AFAP1: variants seen among roughly 807,000 people sequenced by gnomAD.
The protein encoded by AFAP1 is actin filament-associated protein 1.
In AFAP1, 75 loss-of-function variants were observed where a neutral mutation model predicts 93.9. That is an observed-to-expected ratio of 0.80 (90% CI 0.66 to 0.97). The LOEUF is 0.97. Ranked by LOEUF, AFAP1 falls within the 50% of genes least tolerant of loss-of-function variation. AFAP1 has a pLI of 0.00. For synonymous variants in AFAP1, 517 were observed against 430.7 expected, an observed-to-expected ratio of 1.20 and a Z score of -2.48; for missense variants, 1,201 against 1,050.8, an observed-to-expected ratio of 1.14 and a Z score of -1.98.
chr4:7,898,953 T>C (rs1289084824), intron 1 of AFAP1, among the ~76,000 whole-genome samples: 1 of 150,238 alleles, frequency 6.7e-6, no homozygotes, highest in East Asian at 1.9e-4. Context: ...ATATAATGTG[T>C]ATATATACAC....
chr4:7,854,412 T>G lies in AFAP1; in HGVS notation c.334+1054A>C, dbSNP rs561677414. 1.4e-4 allele frequency among the ~76,000 whole-genome samples: 22 copies of G among 152,288 alleles called. No individual in the cohort carries two copies. The East Asian group carries it at 4.1e-3, about 28-fold the overall frequency. On this transcript the variant is annotated intron_variant, in intron 4 of 17. Transcript: ENST00000420658. Reference sequence around the variant, plus strand: ...GGGCACGCAGTCCAGCTGGCCTGGCTTCTCCACAGCCCTTCTCCACACTCA... The same window carrying G: ...GGGCACGCAGTCCAGCTGGCCTGGCGTCTCCACAGCCCTTCTCCACACTCA...
In AFAP1 at chr4:7,763,753, T is replaced by G. The variant is rs1280964045; in HGVS notation, c.*12A>C. ...TGTGCAGTCTCTGAGGCTGGAGTGG[T>G]GCTGCTGTCCCCTAGGTCCCGTTCT... is the stretch of plus-strand genomic sequence containing the variant. On this transcript the variant is annotated 3_prime_UTR_variant, in exon 18 of 18. Coordinates refer to ENST00000420658, the MANE Select transcript of AFAP1 (RefSeq NM_001134647.2). The G allele has an allele frequency of 1.3e-6, 2 of 1,551,610 alleles. No homozygotes were observed. Among genetic ancestry groups the G allele is most frequent in the South Asian group, 2.4e-5 (2 of 84,044 alleles).
At chr4:7,802,526 A>G (rs1364531134) in intron 9 of AFAP1, among the ~76,000 whole-genome samples, 7 of 152,164 alleles carry the variant, frequency 4.6e-5, no homozygotes, top group Non-Finnish European at 1.0e-4. Context: ...CCCTGTTGGG[A>G]GTTAAAGACG....
At chr4:7,809,070 T>G (rs1291653272) in intron 9 of AFAP1, among the ~76,000 whole-genome samples, 3 of 152,132 alleles carry the variant, frequency 2.0e-5, no homozygotes, top group Non-Finnish European at 4.4e-5. Context: ...TTTGTTTTTT[T>G]TTTTTATACT....
At chr4:7,794,579 T>C (rs1407121863) in intron 10 of AFAP1, among the ~76,000 whole-genome samples, 2 of 152,116 alleles carry the variant, frequency 1.3e-5, no homozygotes, top group Admixed American at 1.3e-4. Flanking sequence ...TGGAGTGCAG[T>C]GGTGTGATCA....
intron 17 of AFAP1, among the ~76,000 whole-genome samples, chr4:7,768,559 C>T (rs1191021264): frequency 6.6e-6 from 1 of 152,154 alleles, no homozygotes; most frequent in East Asian, 1.9e-4. Context: ...TCCAGAGGAG[C>T]CCAGGGCTTG....
chr4:7,825,834 C>T (rs536541333), intron 6 of AFAP1, among the ~76,000 whole-genome samples: 1 of 151,984 alleles, frequency 6.6e-6, no homozygotes, highest in South Asian at 2.1e-4. Flanking sequence ...TGATAAACTT[C>T]TGGCAAGACT....
intron 11 of AFAP1, among the ~76,000 whole-genome samples, chr4:7,787,948 G>T (rs556341117): frequency 4.8e-5 from 7 of 146,942 alleles, no homozygotes; most frequent in Non-Finnish European, 4.5e-5. Context: ...AGGTCTCCGC[G>T]TGGGTGCTGC....
At chr4:7,843,114 A>C in intron 5 of AFAP1, 25 bp downstream of exon 5, 2 of 1,609,646 alleles carry the variant, frequency 1.2e-6, no homozygotes, top group Non-Finnish European at 1.7e-6. Context: ...CTTACAAAAA[A>C]TGCAAGCGAT....
chr4:7,893,901 T>G (rs1338176904), intron 1 of AFAP1, among the ~76,000 whole-genome samples: 5 of 152,040 alleles, frequency 3.3e-5, no homozygotes, highest in Admixed American at 3.3e-4. Context: ...TAATGCTCCT[T>G]AAGGAAATAA....
intron 5 of AFAP1, 54 bp downstream of exon 5, chr4:7,843,085 G>A (rs1441607012): frequency 6.4e-7 from 1 of 1,573,592 alleles, no homozygotes; most frequent in Non-Finnish European, 8.7e-7. Context: ...TAAACGCCAT[G>A]GCTTCTGAGT....
rs71601895 is a variant in AFAP1 at position 7,924,471 on chromosome 4, G to C, written c.-3+15185C>G. Among the ~76,000 whole-genome samples, 146 of 152,296 alleles carry C rather than the reference G, an allele frequency of 9.6e-4. 1 individual carries two copies. The highest frequency in any genetic ancestry group is 3.4e-3 in the African/African-American group (141 of 41,570). On this transcript the variant is annotated intron_variant, in intron 1 of 17. Transcript: ENST00000420658. ...ATGGACAGACAGGCAATGGCGCCTAGGTACTATTGTTGAAGATTTCCTATT... is the reference window on the plus strand; with the variant it reads ...ATGGACAGACAGGCAATGGCGCCTACGTACTATTGTTGAAGATTTCCTATT...
chr4:7,884,971 A>C (rs1356764811), intron 1 of AFAP1, among the ~76,000 whole-genome samples: 1 of 152,016 alleles, frequency 6.6e-6, no homozygotes, highest in Non-Finnish European at 1.5e-5. Flanking sequence ...CTTTATGCTG[A>C]CTCTCTGCAG....
intron 1 of AFAP1, among the ~76,000 whole-genome samples, chr4:7,885,966 T>C (rs1007833412): frequency 5.3e-5 from 8 of 152,186 alleles, no homozygotes; most frequent in Admixed American, 2.0e-4. Flanking sequence ...TTTTCCCTTA[T>C]AGGGTTACAG....
chr4:7,813,893 G>C (rs1436519598), intron 8 of AFAP1, among the ~76,000 whole-genome samples: 2 of 152,158 alleles, frequency 1.3e-5, no homozygotes, highest in African/African-American at 2.4e-5. Context: ...TTTCACCACA[G>C]AGACAGGAAA....
intron 6 of AFAP1, among the ~76,000 whole-genome samples, chr4:7,831,836 T>C (rs1441292570): frequency 6.6e-6 from 1 of 152,120 alleles, no homozygotes; most frequent in Admixed American, 6.5e-5. Context: ...AACAGAATCA[T>C]ACAGAAAGCT....
chr4:7,859,366 C>G (rs1380291734), intron 3 of AFAP1, among the ~76,000 whole-genome samples: 5 of 152,124 alleles, frequency 3.3e-5, no homozygotes, highest in African/African-American at 9.7e-5. Context: ...CTGCAGTGAG[C>G]CAAGATCGCC....
At chr4:7,779,545 T>G (rs868410484) in intron 13 of AFAP1, among the ~76,000 whole-genome samples, 1 of 152,228 alleles carries the variant, frequency 6.6e-6, no homozygotes, top group African/African-American at 2.4e-5. Flanking sequence ...GCTGTGTAAT[T>G]AATTCAGCAT....
At chr4:7,875,022 G>A (rs1012342341) in intron 1 of AFAP1, among the ~76,000 whole-genome samples, 1 of 152,082 alleles carries the variant, frequency 6.6e-6, no homozygotes, top group African/African-American at 2.4e-5. Context: ...TTTCAGATCT[G>A]AGATCTGCTG....
Sources: gnomAD v4.1 joint callset for allele counts (sites outside exome capture counted in the v4.1 genomes callset) on GRCh38, gnomAD v4.1.1 for gene constraint, MANE v1.5 for transcripts, NCBI Gene and HGNC (gene_info 2026-07-23, HGNC 2026-07-21) for gene names.